Variants in NCKAP5 observed in about 807,000 individuals in gnomAD.
NCKAP5 encodes NCK associated protein 5.
A neutral mutation model predicts 167.0 loss-of-function variants in NCKAP5; 92 were observed. That is an observed-to-expected ratio of 0.55 (90% CI 0.47 to 0.66). The LOEUF (loss-of-function observed/expected upper bound fraction) is 0.66, where lower values mean the gene tolerates loss of function less well. NCKAP5 is among the 30% of genes least tolerant of loss of function. The pLI, the probability that NCKAP5 is intolerant of heterozygous loss-of-function variation, is 0.00. For synonymous variants in NCKAP5, 891 were observed against 877.4 expected (o/e 1.02, Z -0.27); for missense variants, 2,378 against 2,315.0 (o/e 1.03, Z -0.56).
At chr2:132,844,743 T>C (rs745455685) in intron 11 of NCKAP5, among the ~76,000 whole-genome samples, 115 of 152,260 alleles carry the variant, frequency 7.6e-4, no homozygotes, top group Admixed American at 4.5e-3. Flanking sequence ...CAGTGCACAG[T>C]GTCTCACATG....
chr2:133,108,723 A>AC (rs1467595955), intron 6 of NCKAP5, among the ~76,000 whole-genome samples: 1 of 152,146 alleles, frequency 6.6e-6, no homozygotes. Flanking sequence ...CCTGGCAACC[A>AC]CCATTCTACT....
At chr2:133,108,709 A>T (rs1158079499) in intron 6 of NCKAP5, among the ~76,000 whole-genome samples, 3 of 152,158 alleles carry the variant, frequency 2.0e-5, no homozygotes, top group African/African-American at 7.2e-5. Flanking sequence ...CTCACTCTCC[A>T]ATCCCTGGCA....
chr2:133,432,625 G>A (rs904188617), intron 3 of NCKAP5, among the ~76,000 whole-genome samples: 13 of 152,112 alleles, frequency 8.5e-5, no homozygotes, highest in South Asian at 4.1e-4. Flanking sequence ...ATACCTGGCC[G>A]TCAGGGTAGC....
At chr2:133,526,165 GAGGAAGGAAGGAAGGAAGGAAGGAAGGA>G (rs1203618783) in intron 2 of NCKAP5, among the ~76,000 whole-genome samples, 2 of 69,874 alleles carry the variant, frequency 2.9e-5, no homozygotes, top group South Asian at 6.2e-4. Flanking sequence ...GAAAGGGAAT[GAGGAAGGAAGGAAGGAAGGAAGGAAGGA>G]AGGAAGGAAG....
intron 4 of NCKAP5, among the ~76,000 whole-genome samples, chr2:133,215,232 A>G (rs1191819734): frequency 6.6e-6 from 1 of 152,200 alleles, no homozygotes; most frequent in East Asian, 1.9e-4. Flanking sequence ...CTCTGACTCA[A>G]GTTCTGATGA....
chr2:133,203,887 A>C (rs1451267662), intron 5 of NCKAP5, among the ~76,000 whole-genome samples: 2 of 152,196 alleles, frequency 1.3e-5, no homozygotes, highest in African/African-American at 4.8e-5. Context: ...CATTATTCTG[A>C]AGATTTCTTT....
intron 19 of NCKAP5, among the ~76,000 whole-genome samples, chr2:132,691,446 C>T (rs1257112107): frequency 6.6e-6 from 1 of 152,116 alleles, no homozygotes; most frequent in African/African-American, 2.4e-5. Context: ...GGTTCTGCTC[C>T]AGCCATAATG....
chr2:132,811,627 TC>T (rs2105268302), intron 11 of NCKAP5, among the ~76,000 whole-genome samples: 1 of 151,410 alleles, frequency 6.6e-6, no homozygotes, highest in Non-Finnish European at 1.5e-5. Context: ...CCCTGCCCCC[TC>T]AACAGCCCTG....
At chr2:132,888,650 C>T (rs1469308713) in intron 8 of NCKAP5, among the ~76,000 whole-genome samples, 6 of 152,152 alleles carry the variant, frequency 3.9e-5, no homozygotes, top group African/African-American at 7.2e-5. Flanking sequence ...CTCAGCCTCC[C>T]GAAGTGCTGG....
chr2:133,497,840 G>A (rs558537541), intron 3 of NCKAP5, among the ~76,000 whole-genome samples: 5 of 152,302 alleles, frequency 3.3e-5, no homozygotes, highest in Admixed American at 2.0e-4. Flanking sequence ...TTAGATACAG[G>A]CCCCTGTCTT....
rs1431987955 is a variant in NCKAP5, at chr2:132,903,528, A to G, written c.580-24612T>C. 6.6e-5 allele frequency among the ~76,000 whole-genome samples: 10 copies of G among 152,328 alleles called. No homozygotes were observed. The East Asian group carries it at 1.9e-3, about 29-fold the overall frequency. On this transcript the variant is annotated intron_variant, in intron 8 of 19. Coordinates refer to ENST00000409261, the MANE Select transcript of NCKAP5 (RefSeq NM_207363.3). ...GACAAATGTATGTTGACAGACCTCA[A>G]CTCATATTTGTATCACTTCCTTTCC... is the stretch of plus-strand genomic sequence containing the variant.
chr2:132,709,465 A>G (rs1688657103), intron 19 of NCKAP5, among the ~76,000 whole-genome samples: 1 of 152,056 alleles, frequency 6.6e-6, no homozygotes, highest in Non-Finnish European at 1.5e-5. Flanking sequence ...GTCTTAAAAA[A>G]AGAGAAATGA....
At chr2:133,567,193 G>T (rs1688612242) in intron 1 of NCKAP5, among the ~76,000 whole-genome samples, 1 of 152,204 alleles carries the variant, frequency 6.6e-6, no homozygotes, top group South Asian at 2.1e-4. Context: ...GGAATCAGCT[G>T]GGATTTGCTA....
intron 11 of NCKAP5, among the ~76,000 whole-genome samples, chr2:132,841,885 A>G (rs1417014880): frequency 6.6e-6 from 1 of 152,114 alleles, no homozygotes; most frequent in African/African-American, 2.4e-5. Context: ...TGTATCTTTA[A>G]AGACATTTCT....
At chr2:133,298,533 C>A (rs1680124477) in intron 4 of NCKAP5, among the ~76,000 whole-genome samples, 1 of 152,120 alleles carries the variant, frequency 6.6e-6, no homozygotes, top group East Asian at 1.9e-4. Flanking sequence ...TTATTAGCTA[C>A]CTCAAGAAAG....
intron 19 of NCKAP5, among the ~76,000 whole-genome samples, chr2:132,709,945 T>G (rs73957624): frequency 0.011 from 1,717 of 152,194 alleles, 36 homozygotes; most frequent in African/African-American, 0.039. Flanking sequence ...AAAATAAAAT[T>G]TGTTAATAAA....
At position 132,782,846 on chromosome 2, in the gene NCKAP5, G is replaced by A. The variant is rs745429429; in HGVS notation, c.3965C>T (p.Ser1322Phe). ...GGGAGCAGAAGGGGCCTTGTTGGGA[G>A]AGCTTTCCGTGGAAGAGTTCTGCCG... ...LTRQNSSTESSPNKAPSAPML... is the reference protein window; with the variant it reads ...LTRQNSSTESFPNKAPSAPML... The change falls in exon 14 of 20, where the codon TCT (serine) becomes TTT (phenylalanine). Residue 1322 changes from serine (S) to phenylalanine (F), a missense_variant. Ser to Phe is a radical substitution (Grantham distance 155, BLOSUM62 -2). Around this residue, in one of 3 missense-constraint regions of NCKAP5, gnomAD observed 1,325 missense variants for 1,274.5 expected, o/e 1.04. Coordinates refer to ENST00000409261, the MANE Select transcript of NCKAP5 (RefSeq NM_207363.3). 1 of 1,613,986 alleles carries A rather than the reference G, an allele frequency of 6.2e-7. No individual in the cohort carries two copies. The highest frequency in any genetic ancestry group is 1.7e-5 in the Admixed American group (1 of 60,028).
At position 133,538,061 on chromosome 2, in the gene NCKAP5, T is replaced by A. The variant is rs79878450; in HGVS notation, c.-61-20474A>T. ...CTTGTTGCTTAATATTTGCATTTCA[T>A]TCCATTAAAGGAATAATTTCCATTG... On this transcript the variant is annotated intron_variant, in intron 2 of 19. Coordinates refer to ENST00000409261, the MANE Select transcript of NCKAP5 (RefSeq NM_207363.3). Among the ~76,000 whole-genome samples the A allele has an allele frequency of 2.0e-4, 31 of 152,274 alleles. 1 individual carries two copies. The highest frequency in any genetic ancestry group is 1.7e-3 in the East Asian group (9 of 5,158).
chr2:133,584,769 A>C, the NCKAP5 span, among the ~76,000 whole-genome samples: 2 of 152,178 alleles, frequency 1.3e-5, no homozygotes, highest in Non-Finnish European at 2.9e-5. Flanking sequence ...GTCTCAAAAA[A>C]TAAAATAAAA....
Sources: allele counts gnomAD v4.1 joint callset (sites outside exome capture counted in the v4.1 genomes callset), GRCh38; gene constraint gnomAD v4.1.1; regional missense constraint gnomAD v4.1.1; transcripts MANE v1.5; gene names NCBI Gene and HGNC (gene_info 2026-07-23, HGNC 2026-07-21).